PDILT: variants seen among roughly 807,000 people sequenced by gnomAD.
PDILT encodes the protein protein disulfide isomerase like, testis expressed.
A neutral mutation model predicts 53.7 loss-of-function variants in PDILT; 43 were observed. That is an observed-to-expected ratio of 0.80 (90% CI 0.63 to 1.03). The LOEUF is 1.03. PDILT is among the 50% of genes least tolerant of loss of function. The pLI is 0.00. For missense variants in PDILT, 727 were observed against 712.3 expected, an observed-to-expected ratio of 1.02 and a Z score of -0.24; for synonymous variants, 282 against 274.2, an observed-to-expected ratio of 1.03 and a Z score of -0.28.
chr16:20,365,853 C>T (rs938336517), intron 8 of PDILT, among the ~76,000 whole-genome samples: 7 of 151,908 alleles, frequency 4.6e-5, no homozygotes, highest in East Asian at 3.9e-4. Flanking sequence ...GAGGCCGAGG[C>T]GGGTGGATCA....
chr16:20,396,610 G>A (rs1966665639), intron 2 of PDILT, among the ~76,000 whole-genome samples: 1 of 152,364 alleles, frequency 6.6e-6, no homozygotes, highest in African/African-American at 2.4e-5. Flanking sequence ...AACCAAGCCA[G>A]AGAACGTCAC....
intron 1 of PDILT, among the ~76,000 whole-genome samples, 162 bp from the exon 2 acceptor site, chr16:20,399,469 G>A (rs1966703644): frequency 6.6e-6 from 1 of 152,200 alleles, no homozygotes; most frequent in South Asian, 2.1e-4. Context: ...TGGAGAAGAA[G>A]CAAAGTATTA....
At position 20,359,220 on chromosome 16, in the gene PDILT, C is replaced by A. The variant is rs1014541546; in HGVS notation, c.*99G>T. On this transcript the variant is annotated 3_prime_UTR_variant, in exon 12 of 12. Transcript: ENST00000302451. Reference sequence around the variant, plus strand: ...TCCACCCCTACCCCCGCCCCACCTACCCTACCACAATGATATATGCTTTTA... The same window carrying A: ...TCCACCCCTACCCCCGCCCCACCTAACCTACCACAATGATATATGCTTTTA... 9 of 1,502,560 alleles carry A rather than the reference C, an allele frequency of 6.0e-6. No homozygotes were observed. Among genetic ancestry groups the A allele is most frequent in the Non-Finnish European group, 6.3e-6 (7 of 1,117,874 alleles). 93.1% of individuals were successfully genotyped at this position (1,502,560 alleles called of 1,614,324 possible). A position where few individuals can be genotyped will look rare whatever the true frequency, so the allele number is the denominator to read the frequency against.
intron 3 of PDILT, among the ~76,000 whole-genome samples, chr16:20,377,889 G>A (rs1966408546): frequency 6.6e-6 from 1 of 152,150 alleles, no homozygotes; most frequent in Non-Finnish European, 1.5e-5. Flanking sequence ...AGGAGGTGGA[G>A]GTTGCAGTGA....
intron 1 of PDILT, among the ~76,000 whole-genome samples, chr16:20,403,918 A>G (rs932366726): frequency 1.3e-5 from 2 of 151,954 alleles, no homozygotes; most frequent in Non-Finnish European, 2.9e-5. Context: ...TCTGGGTCCT[A>G]GCTCGAATCC....
rs9937393 is a variant in PDILT at position 20,399,175 on chromosome 16, T to C, written c.126A>G (p.Glu42=). ...CGGGCGTTAGCACTAGGAGACTGCG[T>C]TCCTCCAGGATGTGCACAGGCTTGG... ...HITKPVHILE[E]RSLLVLTPAG... The change falls in exon 2 of 12, where the codon GAA becomes GAG. Residue 42 remains glutamate (E), a synonymous_variant. Coordinates refer to ENST00000302451, the MANE Select transcript of PDILT (RefSeq NM_174924.2). 439 of 1,614,176 alleles carry C rather than the reference T, an allele frequency of 2.7e-4. No individual in the cohort carries two copies. In the African/African-American group the frequency reaches 5.4e-3, roughly 20 times the overall value.
At chr16:20,389,286 AT>A (rs1370089779) in intron 2 of PDILT, among the ~76,000 whole-genome samples, 3 of 152,016 alleles carry the variant, frequency 2.0e-5, no homozygotes, top group Admixed American at 6.6e-5. Context: ...AGTTGTTTTT[AT>A]TTTTTTAAGT....
Position 20,389,518 on chromosome 16 carries a change from G to A in PDILT, c.203-4667C>T, listed in dbSNP as rs148099277. On this transcript the variant is annotated intron_variant, in intron 2 of 11. Coordinates refer to ENST00000302451, the MANE Select transcript of PDILT (RefSeq NM_174924.2). ...ATGTCAGGAACCCCAAAGATCTTCC[G>A]GCTACTGATGAAAGGGAACAACAGT... Among the ~76,000 whole-genome samples the A allele has an allele frequency of 2.3e-3, 353 of 152,210 alleles. 1 individual carries two copies. The highest frequency in any genetic ancestry group is 0.014 in the Middle Eastern group (4 of 294).
chr16:20,379,133 C>T (rs1231879872), intron 3 of PDILT, among the ~76,000 whole-genome samples: 5 of 152,118 alleles, frequency 3.3e-5, no homozygotes, highest in Non-Finnish European at 5.9e-5. Flanking sequence ...CCCACCTCAG[C>T]CCCCTGAGTA....
At chr16:20,363,605 A>C (rs1043636851) in intron 9 of PDILT, among the ~76,000 whole-genome samples, 1 of 152,128 alleles carries the variant, frequency 6.6e-6, no homozygotes, top group South Asian at 2.1e-4. Context: ...TAAGCAGAAG[A>C]AGTGGGGTTT....
At chr16:20,397,850 G>T (rs538097973) in intron 2 of PDILT, among the ~76,000 whole-genome samples, 3 of 152,326 alleles carry the variant, frequency 2.0e-5, no homozygotes, top group African/African-American at 7.2e-5. Context: ...GGTCAGGCAC[G>T]TCCTGGAAGC....
At chr16:20,383,402 A>G (rs920624054) in intron 3 of PDILT, among the ~76,000 whole-genome samples, 2 of 152,136 alleles carry the variant, frequency 1.3e-5, no homozygotes, top group African/African-American at 4.8e-5. Flanking sequence ...TGGTATCTAT[A>G]GGAAACAGCA....
chr16:20,363,472 TGTATG>T (rs1966140334), intron 9 of PDILT, among the ~76,000 whole-genome samples: 1 of 27,440 alleles, frequency 3.6e-5, no homozygotes, highest in South Asian at 8.4e-4. Context: ...TTTGTGTATG[TGTATG>T]TGTGTGTGTG....
rs2141713909 is a variant in PDILT at position 20,373,003 on chromosome 16, C to T, written c.792+9G>A. On this transcript the variant is annotated intron_variant, in intron 6 of 11. Coordinates refer to ENST00000302451, the MANE Select transcript of PDILT (RefSeq NM_174924.2). ...CTCCCCTTCCTCCGGGGACCATTTA[C>T]TCACTGACCTCAGTGTTGTATTCGA... is the stretch of plus-strand genomic sequence containing the variant. 3.1e-6 allele frequency: 5 copies of T among 1,613,922 alleles called. No individual in the cohort carries two copies. Among genetic ancestry groups the T allele is most frequent in the Non-Finnish European group, 4.2e-6 (5 of 1,179,820 alleles).
chr16:20,361,144 C>T (rs549793806), intron 10 of PDILT, among the ~76,000 whole-genome samples: 2 of 151,056 alleles, frequency 1.3e-5, no homozygotes, highest in East Asian at 1.9e-4. Flanking sequence ...TTTTCGGAAG[C>T]ATCTGGTACA....
rs78298736 is a variant in PDILT at position 20,365,563 on chromosome 16, C to T, written c.1117-23G>A. 785 of 1,612,994 alleles carry T rather than the reference C, an allele frequency of 4.9e-4. 11 individuals are homozygous for T. The East Asian group carries it at 0.015, about 31-fold the overall frequency. ...TTTCTAGGAAGCACATTTGAGAGGCCTAAGAGTCTTCATAAAGGGTCTTGA... is the reference window on the plus strand; with the variant it reads ...TTTCTAGGAAGCACATTTGAGAGGCTTAAGAGTCTTCATAAAGGGTCTTGA... On this transcript the variant is annotated intron_variant, in intron 8 of 11. Transcript: ENST00000302451.
At chr16:20,400,018 CT>C (rs1426459079) in intron 1 of PDILT, among the ~76,000 whole-genome samples, 1 of 107,890 alleles carries the variant, frequency 9.3e-6, no homozygotes, top group Non-Finnish European at 1.9e-5. Flanking sequence ...ATATCTCTAT[CT>C]ATCTATCTAT....
At chr16:20,363,142 G>A (rs1966132921) in intron 9 of PDILT, among the ~76,000 whole-genome samples, 1 of 150,586 alleles carries the variant, frequency 6.6e-6, no homozygotes, top group South Asian at 2.1e-4. Context: ...AAATAGCTTA[G>A]CCCTCTTCCA....
intron 7 of PDILT, among the ~76,000 whole-genome samples, chr16:20,370,754 T>C (rs1966294523): frequency 6.6e-6 from 1 of 152,098 alleles, no homozygotes; most frequent in South Asian, 2.1e-4. Flanking sequence ...ACCTTGCTGA[T>C]AAAACAGGTT....
Sources: gnomAD v4.1 joint callset for allele counts (sites outside exome capture counted in the v4.1 genomes callset) on GRCh38, gnomAD v4.1.1 for gene constraint, MANE v1.5 for transcripts, NCBI Gene and HGNC (gene_info 2026-07-23, HGNC 2026-07-21) for gene names.